Variants in CLRN1 observed in about 807,000 individuals in gnomAD.
CLRN1 encodes the protein clarin 1.
In CLRN1, 15 loss-of-function variants were observed where a neutral mutation model predicts 18.7. The ratio of observed to expected loss-of-function variants is 0.80; its 90% CI spans 0.54 to 1.23. The LOEUF is 1.23. Among genes scored for constraint, CLRN1 ranks in the 50% most tolerant of loss-of-function variants. CLRN1 has a pLI of 0.00. For synonymous variants in CLRN1, 104 were observed against 102.9 expected, an observed-to-expected ratio of 1.01 and a Z score of -0.07; for missense variants, 311 against 277.5, an observed-to-expected ratio of 1.12 and a Z score of -0.86.
intron 2 of CLRN1, among the ~76,000 whole-genome samples, chr3:150,938,191 C>T (rs988011354): frequency 2.6e-5 from 4 of 152,172 alleles, no homozygotes; most frequent in Admixed American, 6.5e-5. Flanking sequence ...TGAGCACTGC[C>T]ACCTGGGCAG....
intron 2 of CLRN1, among the ~76,000 whole-genome samples, chr3:150,941,134 G>GTCTATCTA (rs147455281): frequency 0.43 from 55,599 of 130,238 alleles, 12,169 homozygotes; most frequent in South Asian, 0.55. Context: ...TTGTCTGTCT[G>GTCTATCTA]TCTGTCTATC....
chr3:150,943,481 G>T (rs1329962752), intron 1 of CLRN1, among the ~76,000 whole-genome samples: 3 of 152,182 alleles, frequency 2.0e-5, no homozygotes, highest in Non-Finnish European at 4.4e-5. Context: ...GATGTGACTT[G>T]ACTTCAGGGG....
At chr3:150,969,699 A>C (rs1243834422) in intron 1 of CLRN1, among the ~76,000 whole-genome samples, 1 of 152,104 alleles carries the variant, frequency 6.6e-6, no homozygotes, top group Admixed American at 6.6e-5. Flanking sequence ...GTGTTTATCC[A>C]CCTAACAGAA....
chr3:150,944,440 A>C (rs1714039762), intron 1 of CLRN1, among the ~76,000 whole-genome samples: 1 of 152,102 alleles, frequency 6.6e-6, no homozygotes. Flanking sequence ...GGGGAAGAAC[A>C]AATGTCCAGA....
chr3:150,954,412 C>A (rs1714638059), intron 1 of CLRN1, among the ~76,000 whole-genome samples: 1 of 152,124 alleles, frequency 6.6e-6, no homozygotes, highest in Non-Finnish European at 1.5e-5. Flanking sequence ...GGCTTATTTG[C>A]CTTTCATAGG....
chr3:150,972,856 C>A, upstream of CLRN1: 1 of 1,119,834 alleles, frequency 8.9e-7, no homozygotes, highest in Non-Finnish European at 1.3e-6. Context: ...ACGGTTCTCG[C>A]CAGGTTAAAT....
chr3:150,940,393 T>G, intron 2 of CLRN1: 2 of 1,260,952 alleles, frequency 1.6e-6, no homozygotes, highest in Non-Finnish European at 2.1e-6. Context: ...TACAGGCCTT[T>G]GTTTTATAGA....
In CLRN1 at chr3:150,959,030, C is replaced by G. The variant is rs148223886; in HGVS notation, c.253+13426G>C. Among the ~76,000 whole-genome samples, 16 of 152,330 alleles carry G rather than the reference C, an allele frequency of 1.1e-4. No individual in the cohort carries two copies. In the East Asian group the frequency reaches 3.1e-3, roughly 29 times the overall value. On this transcript the variant is annotated intron_variant, in intron 1 of 2. Transcript: ENST00000327047. Reference sequence around the variant, plus strand: ...TATGAACTGTGAGCAAGAAACACATCTTTTTTGTTTCAAACCTATAAAGTT... The same window carrying G: ...TATGAACTGTGAGCAAGAAACACATGTTTTTTGTTTCAAACCTATAAAGTT...
intron 2 of CLRN1, among the ~76,000 whole-genome samples, chr3:150,939,826 G>A (rs532941946): frequency 3.5e-4 from 53 of 152,308 alleles, no homozygotes; most frequent in South Asian, 6.2e-4. Context: ...CTTCTCATCT[G>A]GACTTTCACA....
upstream of CLRN1, chr3:150,972,787 T>A (rs1360400058): frequency 2.5e-6 from 4 of 1,595,104 alleles, no homozygotes; most frequent in South Asian, 3.3e-5. Context: ...CCTCTTTGAC[T>A]GCATTTATTA....
chr3:150,941,499 A>T (rs1381600888), intron 2 of CLRN1, 83 bp downstream of exon 2: 2 of 1,385,790 alleles, frequency 1.4e-6, no homozygotes, highest in East Asian at 2.5e-5. Flanking sequence ...ATATGTTAAG[A>T]TTATAACTTT....
Position 150,941,999 on chromosome 3 carries a change from T to C in CLRN1, c.254-238A>G, listed in dbSNP as rs558821929. ...GAGATTTGAGGTAATTTATTTTCTG[T>C]GCTTGGTCATATGTAATGATTTAAA... On this transcript the variant is annotated intron_variant, in intron 1 of 2. Coordinates refer to ENST00000327047, the MANE Select transcript of CLRN1 (RefSeq NM_174878.3). 1.2e-4 allele frequency among the ~76,000 whole-genome samples: 18 copies of C among 152,308 alleles called. No homozygotes were observed. The East Asian group carries it at 3.5e-3, about 29-fold the overall frequency.
At chr3:150,948,930 C>T (rs560681224) in intron 1 of CLRN1, among the ~76,000 whole-genome samples, 27 of 152,248 alleles carry the variant, frequency 1.8e-4, no homozygotes, top group East Asian at 1.5e-3. Context: ...GGCCGATATC[C>T]GTGATGAACA....
At chr3:150,940,230 A>G (rs1166345606) in intron 2 of CLRN1, among the ~76,000 whole-genome samples, 1 of 152,270 alleles carries the variant, frequency 6.6e-6, no homozygotes, top group East Asian at 1.9e-4. Flanking sequence ...CTTGTGACAA[A>G]TCTAAAGAAA....
chr3:150,941,859 A>G lies in CLRN1; in HGVS notation c.254-98T>C, dbSNP rs1276067776. On this transcript the variant is annotated intron_variant, in intron 1 of 2. Coordinates refer to ENST00000327047, the MANE Select transcript of CLRN1 (RefSeq NM_174878.3). The stretch of plus-strand genomic sequence containing the variant: ...AAATCTCTCTTTTTTAATTTCAAAC[A>G]TCACTAAAATCCTTCTGATGAATAC... The G allele has an allele frequency of 8.2e-6, 9 of 1,095,694 alleles. No homozygotes were observed. The East Asian group carries it at 2.3e-4, about 28-fold the overall frequency. The allele number at this position is 1,095,694 out of a possible 1,614,324, so 67.9% of individuals were successfully genotyped here. A position where few individuals can be genotyped will look rare whatever the true frequency, so the allele number is the denominator to read the frequency against.
At chr3:150,936,427 G>C (rs373499277) in intron 2 of CLRN1, among the ~76,000 whole-genome samples, 5 of 152,260 alleles carry the variant, frequency 3.3e-5, no homozygotes, top group Admixed American at 3.3e-4. Context: ...TGGAACACAT[G>C]ATTTTAGTGC....
chr3:150,961,767 A>T (rs1559991636), intron 1 of CLRN1, among the ~76,000 whole-genome samples: 1 of 152,202 alleles, frequency 6.6e-6, no homozygotes, highest in Non-Finnish European at 1.5e-5. Flanking sequence ...CTTTCCCCTC[A>T]GCCCATCTGC....
At chr3:150,969,483 G>A (rs985781998) in intron 1 of CLRN1, among the ~76,000 whole-genome samples, 2 of 150,602 alleles carry the variant, frequency 1.3e-5, no homozygotes, top group South Asian at 2.1e-4. Flanking sequence ...CCCCCGCCAC[G>A]CCCGGCTAAT....
intron 1 of CLRN1, among the ~76,000 whole-genome samples, chr3:150,946,560 T>C (rs1714181109): frequency 6.6e-6 from 1 of 152,030 alleles, no homozygotes; most frequent in African/African-American, 2.4e-5. Context: ...AAAAATACTT[T>C]TTTTTTAATA....
Sources: gnomAD v4.1 joint callset for allele counts (sites outside exome capture counted in the v4.1 genomes callset) on GRCh38, gnomAD v4.1.1 for gene constraint, MANE v1.5 for transcripts, NCBI Gene and HGNC (gene_info 2026-07-23, HGNC 2026-07-21) for gene names.